The following SMARCE1 variants were observed in gnomAD, a reference collection of about 807,000 sequenced individuals.
SMARCE1 encodes the protein SWI/SNF related BAF chromatin remodeling complex subunit E1, also known as SWI/SNF-related matrix-associated actin-dependent regulator of chromatin subfamily E member 1.
A neutral mutation model predicts 54.9 loss-of-function variants in SMARCE1; 13 were observed. That is an observed-to-expected ratio of 0.24 (90% CI 0.15 to 0.38). The LOEUF is 0.38. Among genes scored for constraint, SMARCE1 ranks in the 10% least tolerant of loss-of-function variants. SMARCE1 has a pLI of 1.00. For synonymous variants in SMARCE1, 151 were observed against 175.3 expected (o/e 0.86, Z 1.10); for missense variants, 295 against 523.8 (o/e 0.56, Z 4.26).
chr17:40,630,301 A>T, intron 10 of SMARCE1: 1 of 1,197,116 alleles, frequency 8.4e-7, no homozygotes, highest in South Asian at 1.3e-5. Flanking sequence ...AAAGAGCCAG[A>T]TAGAAAATAT....
At chr17:40,630,168 G>A in intron 10 of SMARCE1, 1 of 1,032,258 alleles carries the variant, frequency 9.7e-7, no homozygotes, top group Non-Finnish European at 1.5e-6. Context: ...AGTACTTTAT[G>A]TAAGTTTTAT....
chr17:40,644,953 T>C (rs2037239356), intron 3 of SMARCE1: 1 of 152,212 alleles, frequency 6.6e-6, no homozygotes, highest in Non-Finnish European at 1.5e-5. Flanking sequence ...TTATTTTACA[T>C]GCTGACCAAG....
chr17:40,639,601 A>AAG (rs879289234), intron 4 of SMARCE1, among the ~76,000 whole-genome samples: 10 of 152,178 alleles, frequency 6.6e-5, no homozygotes, highest in Non-Finnish European at 1.2e-4. Flanking sequence ...AATCATCTGT[A>AAG]TATTGAGACC....
In SMARCE1 at chr17:40,630,856, C is replaced by G; in HGVS notation, c.885G>C (p.Gln295His). The change falls in exon 10 of 11, where the codon CAG (glutamine) becomes CAC (histidine). Residue 295 changes from glutamine (Q) to histidine (H), a missense_variant. Gln to His is a conservative substitution (Grantham distance 24). Coordinates refer to ENST00000348513, the MANE Select transcript of SMARCE1 (RefSeq NM_003079.5). ...CCCTTTCCTCCTGCCTTTTGCGGGC[C>G]TGTTCCTCTGCCTGTGCAATCTCAG... ...IAAEIAQAEE[Q>H]ARKRQEEREK... 4 of 1,614,014 alleles carry G rather than the reference C, an allele frequency of 2.5e-6. No individual in the cohort carries two copies. Among genetic ancestry groups the G allele is most frequent in the Non-Finnish European group, 3.4e-6 (4 of 1,180,014 alleles).
intron 1 of SMARCE1, chr17:40,647,182 T>A (rs2037266393): frequency 6.6e-6 from 1 of 152,252 alleles, no homozygotes; most frequent in Non-Finnish European, 1.5e-5. Context: ...GATAAATATT[T>A]GTTCAAGAAA....
intron 7 of SMARCE1, chr17:40,633,933 T>C (rs958801293): frequency 3.3e-5 from 5 of 152,238 alleles, no homozygotes; most frequent in African/African-American, 1.2e-4. Flanking sequence ...ATGGCCCCAG[T>C]GTTGACCACA....
rs2037045978 is a variant in SMARCE1, at chr17:40,627,380, T to C, written c.*1405A>G. 1 of 152,254 alleles carries C rather than the reference T, an allele frequency of 6.6e-6. No individual in the cohort carries two copies. The highest frequency in any genetic ancestry group is 1.5e-5 in the Non-Finnish European group (1 of 68,042). The allele number at this position is 152,254 out of a possible 1,614,324, so 9.4% of individuals were successfully genotyped here. A position where few individuals can be genotyped will look rare whatever the true frequency, so the allele number is the denominator to read the frequency against. On this transcript the variant is annotated 3_prime_UTR_variant, in exon 11 of 11. Transcript: ENST00000348513. ...CCATATAGGCACAGGACTTAACATT[T>C]ATCATTTAGCCATTCTTTCAAAGAT...
At chr17:40,636,701 C>G in intron 5 of SMARCE1, 175 bp from the exon 6 acceptor site, 1 of 543,896 alleles carries the variant, frequency 1.8e-6, no homozygotes, top group South Asian at 2.3e-5. Context: ...CTCAAGTTAT[C>G]TTTGCCCTAC....
chr17:40,646,640 A>AT (rs1353086231), intron 1 of SMARCE1, among the ~76,000 whole-genome samples: 55 of 152,322 alleles, frequency 3.6e-4, no homozygotes, highest in African/African-American at 1.3e-3. Context: ...TTTTCCTAGT[A>AT]TTACCAGCTC....
intron 10 of SMARCE1, chr17:40,630,150 A>T: frequency 1.1e-6 from 1 of 873,094 alleles, no homozygotes; most frequent in Non-Finnish European, 1.8e-6. Context: ...GTGACGATCA[A>T]TGTAATCAGT....
intron 4 of SMARCE1, chr17:40,641,950 G>C (rs1479974223): frequency 1.2e-5 from 2 of 162,056 alleles, no homozygotes; most frequent in African/African-American, 4.8e-5. Context: ...TTTCACTGTA[G>C]AGAAATGAGT....
At chr17:40,640,090 G>A (rs1161531347) in intron 4 of SMARCE1, 2 of 152,150 alleles carry the variant, frequency 1.3e-5, no homozygotes, top group South Asian at 2.1e-4. Flanking sequence ...TATGAATAAA[G>A]TTCATGGTTT....
intron 8 of SMARCE1, chr17:40,631,974 T>G (rs1358722966): frequency 1.8e-6 from 1 of 546,608 alleles, no homozygotes; most frequent in Non-Finnish European, 3.2e-6. Flanking sequence ...ACGTATTTCT[T>G]AACGAATATA....
Position 40,642,390 on chromosome 17 carries a change from A to G in SMARCE1, c.156+65T>C. On this transcript the variant is annotated intron_variant, in intron 4 of 10. Coordinates refer to ENST00000348513, the MANE Select transcript of SMARCE1 (RefSeq NM_003079.5). This position sits in a 1 kb window ranked among gnomAD's most constrained non-coding sequence, Gnocchi z 4.6. ...TGTGCTTATGATTCAAAAAGACCTAATTCTGAAGGCATTTCTGGTCAATTC... is the reference window on the plus strand; with the variant it reads ...TGTGCTTATGATTCAAAAAGACCTAGTTCTGAAGGCATTTCTGGTCAATTC... 9.6e-6 allele frequency: 10 copies of G among 1,039,828 alleles called. No homozygotes were observed. The highest frequency in any genetic ancestry group is 1.5e-5 in the Non-Finnish European group (10 of 655,590). The allele number at this position is 1,039,828 out of a possible 1,614,324, so 64.4% of individuals were successfully genotyped here. A position where few individuals can be genotyped will look rare whatever the true frequency, so the allele number is the denominator to read the frequency against.
intron 10 of SMARCE1, chr17:40,630,196 A>ATT (rs545326608): frequency 8.2e-7 from 1 of 1,223,864 alleles, no homozygotes; most frequent in Non-Finnish European, 1.2e-6. Context: ...AGTTATTATT[A>ATT]TTATTTTTTA....
In SMARCE1 at chr17:40,632,349, G is replaced by A; in HGVS notation, c.560C>T (p.Ser187Leu). The A allele has an allele frequency of 6.2e-7, 1 of 1,613,836 alleles. No individual in the cohort carries two copies. The highest frequency in any genetic ancestry group is 8.5e-7 in the Non-Finnish European group (1 of 1,179,846). The change falls in exon 8 of 11, where the codon TCA (serine) becomes TTA (leucine). Residue 187 changes from serine to leucine, a missense_variant. Physicochemically the swap from Ser to Leu is moderately radical, Grantham distance 145. Transcript: ENST00000348513. The part of the protein sequence containing the change: ...EDPDDYDDGF[S>L]MKHTATARFQ... ...ACGGGCGGTGGCTGTATGCTTCATT[G>A]AAAAGCCATCATCATAATCTGGAGT...
At chr17:40,634,360 T>G (rs551236049) in intron 7 of SMARCE1, 5 of 152,576 alleles carry the variant, frequency 3.3e-5, no homozygotes, top group Admixed American at 2.0e-4. Context: ...CTCAAACTCT[T>G]GGCCACAAAC....
At position 40,628,713 on chromosome 17, in the gene SMARCE1, G is replaced by A. The variant is rs774862028; in HGVS notation, c.*72C>T. 32 of 1,261,358 alleles carry A rather than the reference G, an allele frequency of 2.5e-5. No individual in the cohort carries two copies. Among genetic ancestry groups the A allele is most frequent in the African/African-American group, 3.0e-5 (2 of 67,554 alleles). The allele number at this position is 1,261,358 out of a possible 1,614,324, so 78.1% of individuals were successfully genotyped here. A position where few individuals can be genotyped will look rare whatever the true frequency, so the allele number is the denominator to read the frequency against. On this transcript the variant is annotated 3_prime_UTR_variant, in exon 11 of 11. Transcript: ENST00000348513. Reference sequence around the variant, plus strand: ...GAAAAAAAATTAATACACAAACCACGTAACACCATTAAAACCAAAAAACAT... The same window carrying A: ...GAAAAAAAATTAATACACAAACCACATAACACCATTAAAACCAAAAAACAT...
chr17:40,636,283 C>T, intron 6 of SMARCE1, 112 bp downstream of exon 6: 1 of 1,242,092 alleles, frequency 8.1e-7, no homozygotes, highest in East Asian at 2.3e-5. Flanking sequence ...GTAGACAGAG[C>T]CTCAGTACTG....
Sources: allele counts gnomAD v4.1 joint callset (sites outside exome capture counted in the v4.1 genomes callset), GRCh38; gene constraint gnomAD v4.1.1; non-coding constraint Gnocchi (gnomAD v3.1); transcripts MANE v1.5; gene names NCBI Gene and HGNC (gene_info 2026-07-23, HGNC 2026-07-21).